CCDC13: variants seen among roughly 807,000 people sequenced by gnomAD.
CCDC13 encodes coiled-coil domain-containing protein 13.
A neutral mutation model predicts 87.3 loss-of-function variants in CCDC13; 70 were observed. The ratio of observed to expected loss-of-function variants is 0.80; its 90% CI spans 0.66 to 0.98. CCDC13 has a LOEUF of 0.98. CCDC13 is among the 50% of genes least tolerant of loss of function. CCDC13 has a pLI of 0.00. For missense variants in CCDC13, 842 were observed against 892.0 expected, an observed-to-expected ratio of 0.94 and a Z score of 0.71; for synonymous variants, 317 against 360.3, an observed-to-expected ratio of 0.88 and a Z score of 1.36.
At chr3:42,725,045 G>T (rs1219195205) in intron 13 of CCDC13, among the ~76,000 whole-genome samples, 2 of 151,898 alleles carry the variant, frequency 1.3e-5, no homozygotes, top group African/African-American at 2.4e-5. Flanking sequence ...GTAGTTAAAA[G>T]AAAAAAACAT....
chr3:42,712,209 G>A (rs1463219190), intron 14 of CCDC13, among the ~76,000 whole-genome samples: 2 of 152,064 alleles, frequency 1.3e-5, no homozygotes, highest in Non-Finnish European at 2.9e-5. Context: ...GGGTTGGGGG[G>A]CTACTGGGGT....
intron 13 of CCDC13, 106 bp downstream of exon 13, chr3:42,730,361 G>T (rs1698794789): frequency 6.8e-7 from 1 of 1,479,210 alleles, no homozygotes; most frequent in African/African-American, 1.4e-5. Context: ...GACCAACACT[G>T]GGAGCCGAGC....
chr3:42,738,125 A>G (rs1699088131), intron 9 of CCDC13, among the ~76,000 whole-genome samples: 2 of 152,238 alleles, frequency 1.3e-5, no homozygotes, highest in South Asian at 4.1e-4. Flanking sequence ...AGCTTTCTAC[A>G]TATGGCTAGC....
At position 42,739,825 on chromosome 3, in the gene CCDC13, T is replaced by C; in HGVS notation, c.988-15A>G. The C allele has an allele frequency of 2.5e-6, 4 of 1,611,492 alleles. No individual in the cohort carries two copies. The highest frequency in any genetic ancestry group is 3.4e-6 in the Non-Finnish European group (4 of 1,178,286). On this transcript the variant is annotated splice_polypyrimidine_tract_variant and intron_variant, in intron 8 of 15. Transcript: ENST00000310232. The stretch of plus-strand genomic sequence containing the variant: ...CTGGCAAGTTTCTGTAATTAGAAAG[T>C]GAGGGCATGGGCAGCAGGGCTGTGT...
chr3:42,722,420 C>T (rs1698585169), intron 13 of CCDC13, among the ~76,000 whole-genome samples: 1 of 152,184 alleles, frequency 6.6e-6, no homozygotes, highest in Non-Finnish European at 1.5e-5. Context: ...CTGAAACCTA[C>T]TGGGCTGCAT....
At position 42,736,829 on chromosome 3, in the gene CCDC13, G is replaced by A. The variant is rs61382138; in HGVS notation, c.1165-916C>T. The stretch of plus-strand genomic sequence containing the variant: ...ACTTGGAATCTGACACCAAACTTTG[G>A]TGCCTCGGGTCCCACAGAGAAAAGT... On this transcript the variant is annotated intron_variant, in intron 9 of 15. Coordinates refer to ENST00000310232, the MANE Select transcript of CCDC13 (RefSeq NM_144719.4). Among the ~76,000 whole-genome samples, 1,079 of 152,258 alleles carry A rather than the reference G, an allele frequency of 7.1e-3. 12 individuals are homozygous for A. The highest frequency in any genetic ancestry group is 0.025 in the African/African-American group (1,030 of 41,546).
At chr3:42,750,767 C>T (rs180784234) in intron 5 of CCDC13, among the ~76,000 whole-genome samples, 1 of 152,342 alleles carries the variant, frequency 6.6e-6, no homozygotes, top group Admixed American at 6.5e-5. Flanking sequence ...CTCACCCGGT[C>T]AAGGCTCTAT....
rs185164241 is a variant in CCDC13, at chr3:42,707,500, G to A, written c.*1480C>T. ...GTCCCTCCATAGCCCCATCCCCAAG[G>A]AAGGGGCTGAGAAGACAGGGTCCCA... On this transcript the variant is annotated 3_prime_UTR_variant, in exon 16 of 16. Coordinates refer to ENST00000310232, the MANE Select transcript of CCDC13 (RefSeq NM_144719.4). Among the ~76,000 whole-genome samples, 36 of 152,324 alleles carry A rather than the reference G, an allele frequency of 2.4e-4. No individual in the cohort carries two copies. Among genetic ancestry groups the A allele is most frequent in the Middle Eastern group, 3.4e-3 (1 of 294 alleles).
chr3:42,730,377 G>A (rs1698795183), intron 13 of CCDC13, 90 bp downstream of exon 13: 1 of 1,537,462 alleles, frequency 6.5e-7, no homozygotes, highest in Non-Finnish European at 8.8e-7. Context: ...CGAGCTCTCA[G>A]GTGAGGAGGA....
chr3:42,764,555 A>G (rs1467187921), intron 1 of CCDC13, among the ~76,000 whole-genome samples: 2 of 152,188 alleles, frequency 1.3e-5, no homozygotes, highest in Non-Finnish European at 2.9e-5. Flanking sequence ...GCTGCCCATT[A>G]TCACTGCACA....
At chr3:42,758,429 C>T in intron 1 of CCDC13, 78 bp from the exon 2 acceptor site, 3 of 1,408,594 alleles carry the variant, frequency 2.1e-6, no homozygotes, top group Non-Finnish European at 2.9e-6. Flanking sequence ...CTGTCTGCAG[C>T]CCCAGCCTTG....
At chr3:42,745,791 C>T (rs546076280) in intron 7 of CCDC13, 132 bp downstream of exon 7, 105 of 614,524 alleles carry the variant, frequency 1.7e-4, no homozygotes, top group Non-Finnish European at 2.7e-4. Flanking sequence ...CAACCCCGCA[C>T]GAGTGCACTG....
At chr3:42,729,380 G>A (rs923862376) in intron 13 of CCDC13, among the ~76,000 whole-genome samples, 1 of 152,212 alleles carries the variant, frequency 6.6e-6, no homozygotes, top group African/African-American at 2.4e-5. Flanking sequence ...CTATGTGAAA[G>A]CAAAGCTGAC....
chr3:42,729,404 G>A (rs564904789), intron 13 of CCDC13, among the ~76,000 whole-genome samples: 2 of 152,294 alleles, frequency 1.3e-5, no homozygotes, highest in African/African-American at 4.8e-5. Flanking sequence ...TCACTATTTA[G>A]GTAGCAGGCA....
intron 5 of CCDC13, among the ~76,000 whole-genome samples, chr3:42,749,283 A>C (rs1404922752): frequency 2.6e-5 from 4 of 152,154 alleles, no homozygotes; most frequent in African/African-American, 9.7e-5. Context: ...GGGGGTGCTG[A>C]GAGCTGTGGG....
intron 1 of CCDC13, among the ~76,000 whole-genome samples, chr3:42,762,186 G>T (rs1403420162): frequency 6.6e-6 from 1 of 152,198 alleles, no homozygotes; most frequent in African/African-American, 2.4e-5. Context: ...TGAGCCCAGG[G>T]TTTGGCAAAG....
At chr3:42,757,680 C>A (rs1229339438) in intron 2 of CCDC13, among the ~76,000 whole-genome samples, 2 of 152,094 alleles carry the variant, frequency 1.3e-5, no homozygotes, top group Non-Finnish European at 2.9e-5. Flanking sequence ...ATCCTGCATT[C>A]CAGCCCGGGT....
intron 3 of CCDC13, among the ~76,000 whole-genome samples, chr3:42,754,001 A>T (rs1298973691): frequency 6.6e-6 from 1 of 152,202 alleles, no homozygotes; most frequent in African/African-American, 2.4e-5. Flanking sequence ...TAGCCCTGAC[A>T]GTCCCTTGCC....
At chr3:42,758,523 T>C (rs1229289462) in intron 1 of CCDC13, among the ~76,000 whole-genome samples, 172 bp from the exon 2 acceptor site, 1 of 152,202 alleles carries the variant, frequency 6.6e-6, no homozygotes, top group African/African-American at 2.4e-5. Flanking sequence ...AAACCCAAGG[T>C]TGAACTGAGC....
Sources: allele counts gnomAD v4.1 joint callset (sites outside exome capture counted in the v4.1 genomes callset), GRCh38; gene constraint gnomAD v4.1.1; transcripts MANE v1.5; gene names NCBI Gene and HGNC (gene_info 2026-07-23, HGNC 2026-07-21).